The following SOX6 variants were observed in gnomAD, a reference collection of about 807,000 sequenced individuals.
SOX6 encodes SRY-box transcription factor 6.
Under a neutral mutation model 97.8 loss-of-function variants are expected in SOX6, and 11 were observed. The ratio of observed to expected loss-of-function variants is 0.11; its 90% confidence interval spans 0.07 to 0.19. The LOEUF (loss-of-function observed/expected upper bound fraction) is 0.19. SOX6 is among the 10% of genes least tolerant of loss of function. The probability of loss-of-function intolerance (pLI) is 1.00; values close to 1 mark genes in which losing one functional copy is unlikely to be tolerated. For synonymous variants in SOX6, 360 were observed against 371.4 expected (o/e 0.97, Z 0.35); for missense variants, 810 against 1,039.5 (o/e 0.78, Z 3.04).
At chr11:16,728,217 C>T (rs997064510) in intron 2 of SOX6, among the ~76,000 whole-genome samples, 1 of 152,210 alleles carries the variant, frequency 6.6e-6, no homozygotes, top group Non-Finnish European at 1.5e-5. Context: ...CAGCATAGCA[C>T]TCGAGCTCTG....
At position 15,970,336 on chromosome 11, in the gene SOX6, AAAAC is replaced by A. The variant is rs1853264041; in HGVS notation, c.*2469_*2472del. ...AGAATATTATTTTGGCATGGTCATA[AAAAC>A]AAACAAAATTAACCTACTATGCTAA... On this transcript the variant is annotated 3_prime_UTR_variant, in exon 16 of 16. Transcript: ENST00000683767. 1.3e-5 allele frequency: 2 copies of A among 152,580 alleles called. No individual in the cohort carries two copies. Among genetic ancestry groups the A allele is most frequent in the Non-Finnish European group, 2.9e-5 (2 of 68,032 alleles). The allele number at this position is 152,580 out of a possible 1,614,324, so 9.5% of individuals were successfully genotyped here.
At chr11:16,243,444 AT>A (rs1853250233) in intron 3 of SOX6, among the ~76,000 whole-genome samples, 1 of 151,928 alleles carries the variant, frequency 6.6e-6, no homozygotes, top group Non-Finnish European at 1.5e-5. Context: ...GCTAAAACTA[AT>A]TCCTTGATAT....
chr11:16,251,281 G>A (rs188671515), intron 3 of SOX6, among the ~76,000 whole-genome samples: 90 of 152,132 alleles, frequency 5.9e-4, no homozygotes, highest in Non-Finnish European at 2.1e-4. Context: ...GAGCATCAGT[G>A]AAATAGAAAC....
chr11:16,474,382 T>C (rs1590216812), intron 1 of SOX6, among the ~76,000 whole-genome samples: 1 of 152,220 alleles, frequency 6.6e-6, no homozygotes, highest in African/African-American at 2.4e-5. Context: ...GCAGAATTAC[T>C]ATGTATGGCA....
intron 3 of SOX6, among the ~76,000 whole-genome samples, chr11:16,705,172 C>T (rs547806700): frequency 4.6e-5 from 7 of 151,928 alleles, no homozygotes; most frequent in South Asian, 2.1e-4. Context: ...GCAGGAGAAT[C>T]GCTTGAACCC....
chr11:16,378,209 C>T lies in SOX6; in HGVS notation c.-4-36957G>A, dbSNP rs1331428425. On this transcript the variant is annotated intron_variant, in intron 1 of 15. Transcript: ENST00000396356. ...TACTATGTGCTAGGTATTGTGGATT[C>T]GTTAAATTAAAAATGTGTCCTTAAA... is the stretch of plus-strand genomic sequence containing the variant. 2.6e-5 allele frequency among the ~76,000 whole-genome samples: 4 copies of T among 152,076 alleles called. No individual in the cohort carries two copies. In the East Asian group the frequency reaches 7.7e-4, roughly 29 times the overall value.
intron 4 of SOX6, among the ~76,000 whole-genome samples, chr11:16,586,587 G>C (rs1020419947): frequency 6.6e-6 from 1 of 152,104 alleles, no homozygotes; most frequent in Non-Finnish European, 1.5e-5. Flanking sequence ...GGACATGGTG[G>C]TGTTCACCTA....
At chr11:16,731,790 A>G (rs1157603088) in intron 2 of SOX6, among the ~76,000 whole-genome samples, 1 of 152,234 alleles carries the variant, frequency 6.6e-6, no homozygotes, top group African/African-American at 2.4e-5. Flanking sequence ...TTAGGAAATG[A>G]GGAAGTCAGA....
intron 9 of SOX6, among the ~76,000 whole-genome samples, chr11:16,069,707 C>A (rs1440360201): frequency 6.6e-6 from 1 of 152,108 alleles, no homozygotes; most frequent in South Asian, 2.1e-4. Context: ...CAGGTGAGAG[C>A]AGATTTATTT....
chr11:16,724,401 G>A (rs1347184162), intron 2 of SOX6, among the ~76,000 whole-genome samples: 1 of 151,954 alleles, frequency 6.6e-6, no homozygotes, highest in Admixed American at 6.6e-5. Flanking sequence ...GGAACACACT[G>A]GGCACAAAAT....
chr11:16,299,014 A>G (rs965807847), intron 3 of SOX6, among the ~76,000 whole-genome samples: 3 of 152,140 alleles, frequency 2.0e-5, no homozygotes, highest in African/African-American at 7.2e-5. Context: ...CTGAAAAGCA[A>G]TATTTTCTTT....
At chr11:16,499,024 C>T (rs931658044) in intron 4 of SOX6, among the ~76,000 whole-genome samples, 1 of 152,136 alleles carries the variant, frequency 6.6e-6, no homozygotes, top group African/African-American at 2.4e-5. Context: ...CAGCACCACT[C>T]ACACCTATTC....
chr11:16,250,359 A>G (rs1853473324), intron 3 of SOX6, among the ~76,000 whole-genome samples: 2 of 152,206 alleles, frequency 1.3e-5, no homozygotes, highest in Non-Finnish European at 2.9e-5. Context: ...ATAGGAAACC[A>G]TAAGCTTAAA....
At position 16,447,453 on chromosome 11, in the gene SOX6, C is replaced by CTCTCTT. The variant is rs5789955; in HGVS notation, c.-5+28861_-5+28862insAAGAGA. Among the ~76,000 whole-genome samples, 46 of 150,874 alleles carry CTCTCTT rather than the reference C, an allele frequency of 3.0e-4. 1 individual carries two copies. Among genetic ancestry groups the CTCTCTT allele is most frequent in the South Asian group, 1.0e-3 (5 of 4,778 alleles). On this transcript the variant is annotated intron_variant, in intron 1 of 15. Coordinates refer to the SOX6 transcript ENST00000396356. Reference sequence around the variant, plus strand: ...TCTCTCTCCTTCGATTTCTCTCTCTCTCTTTCTTTCTTTCTTTCTTTGTCT... The same window carrying CTCTCTT: ...TCTCTCTCCTTCGATTTCTCTCTCTCTCTCTTTCTTTCTTTCTTTCTTTCTTTGTCT...
At chr11:16,151,151 T>A (rs1281950629) in intron 6 of SOX6, among the ~76,000 whole-genome samples, 3 of 152,192 alleles carry the variant, frequency 2.0e-5, no homozygotes, top group Non-Finnish European at 4.4e-5. Context: ...TTTTCACATT[T>A]TTTTAATGAC....
intron 3 of SOX6, among the ~76,000 whole-genome samples, chr11:16,638,774 T>G (rs1848838815): frequency 6.6e-6 from 1 of 152,226 alleles, no homozygotes; most frequent in South Asian, 2.1e-4. Context: ...TTGTTTGTTT[T>G]TTTCTTATAA....
intron 6 of SOX6, among the ~76,000 whole-genome samples, chr11:16,154,131 A>T (rs948609597): frequency 3.3e-5 from 5 of 152,162 alleles, no homozygotes; most frequent in Admixed American, 3.3e-4. Flanking sequence ...TTGACGTTGG[A>T]CAAATGCAAG....
intron 6 of SOX6, among the ~76,000 whole-genome samples, chr11:16,174,320 CTA>C (rs1851123598): frequency 6.6e-6 from 1 of 151,866 alleles, no homozygotes; most frequent in Non-Finnish European, 1.5e-5. Context: ...TTAATTCTGA[CTA>C]TGAATTCCTT....
At chr11:16,441,995 AAC>A (rs1222531958) in intron 1 of SOX6, among the ~76,000 whole-genome samples, 1 of 152,218 alleles carries the variant, frequency 6.6e-6, no homozygotes, top group Non-Finnish European at 1.5e-5. Flanking sequence ...CTCTCTTCAT[AAC>A]ACAGATCTCA....
Sources: allele counts gnomAD v4.1 joint callset (sites outside exome capture counted in the v4.1 genomes callset), GRCh38; gene constraint gnomAD v4.1.1; transcripts MANE v1.5; gene names NCBI Gene and HGNC (gene_info 2026-07-23, HGNC 2026-07-21).